ANXA10: variants seen among roughly 807,000 people sequenced by gnomAD.
ANXA10 encodes the protein annexin A10, also known as annexin 14.
Under a neutral mutation model 53.5 loss-of-function variants are expected in ANXA10, and 49 were observed. That is an observed-to-expected ratio of 0.92 (90% CI 0.73 to 1.16). The LOEUF (loss-of-function observed/expected upper bound fraction) is 1.16. Ranked by LOEUF, ANXA10 falls within the 50% of genes most tolerant of loss-of-function variation. The probability of loss-of-function intolerance (pLI) is 0.00; values close to 1 mark genes in which losing one functional copy is unlikely to be tolerated. For synonymous variants in ANXA10, 131 were observed against 128.9 expected (o/e 1.02, Z -0.11); for missense variants, 393 against 394.4 (o/e 1.00, Z 0.03).
At chr4:168,159,720 A>C (rs1578926055) in intron 3 of ANXA10, among the ~76,000 whole-genome samples, 1 of 152,194 alleles carries the variant, frequency 6.6e-6, no homozygotes, top group African/African-American at 2.4e-5. Flanking sequence ...TACAGTATAC[A>C]TACACATAAC....
At chr4:168,118,660 T>C (rs1730937048) in intron 1 of ANXA10, among the ~76,000 whole-genome samples, 1 of 152,220 alleles carries the variant, frequency 6.6e-6, no homozygotes, top group African/African-American at 2.4e-5. Flanking sequence ...CTCTGTACTC[T>C]AGAGGATTTC....
chr4:168,176,343 C>A (rs1016956418), intron 6 of ANXA10, among the ~76,000 whole-genome samples: 1 of 152,118 alleles, frequency 6.6e-6, no homozygotes, highest in Non-Finnish European at 1.5e-5. Context: ...GCCAAACTGA[C>A]CAGTTTGGTC....
chr4:168,174,243 T>C (rs375286849), intron 6 of ANXA10, among the ~76,000 whole-genome samples: 9 of 152,200 alleles, frequency 5.9e-5, no homozygotes. Context: ...TGGCTCCACA[T>C]GCCCCCTTTA....
intron 2 of ANXA10, among the ~76,000 whole-genome samples, chr4:168,138,829 A>T (rs762177237): frequency 1.3e-5 from 2 of 152,098 alleles, no homozygotes; most frequent in Non-Finnish European, 2.9e-5. Context: ...ATGTATTCCT[A>T]GATATTTTAT....
intron 1 of ANXA10, among the ~76,000 whole-genome samples, chr4:168,113,713 T>C (rs1730846856): frequency 6.6e-6 from 1 of 152,210 alleles, no homozygotes; most frequent in Non-Finnish European, 1.5e-5. Flanking sequence ...GACACCACAT[T>C]CAAACCATAG....
chr4:168,097,736 T>C (rs969267418), intron 1 of ANXA10, among the ~76,000 whole-genome samples: 2 of 152,118 alleles, frequency 1.3e-5, no homozygotes, highest in Non-Finnish European at 2.9e-5. Context: ...GAGTAATAAA[T>C]ATCATTGTCA....
chr4:168,178,263 T>C, intron 8 of ANXA10: 1 of 389,768 alleles, frequency 2.6e-6, no homozygotes, highest in South Asian at 2.6e-5. Flanking sequence ...ATATTAGCTG[T>C]TTCCTATTAG....
At chr4:168,131,870 C>G (rs1731161126) in intron 2 of ANXA10, among the ~76,000 whole-genome samples, 1 of 152,022 alleles carries the variant, frequency 6.6e-6, no homozygotes, top group Non-Finnish European at 1.5e-5. Flanking sequence ...CTTTTAATCT[C>G]TCTGTGTCTT....
At chr4:168,156,103 A>ATTATATAT (rs1307573018) in intron 3 of ANXA10, among the ~76,000 whole-genome samples, 1,075 of 59,110 alleles carry the variant, frequency 0.018, 52 homozygotes, top group African/African-American at 0.077. Flanking sequence ...TATTATATAT[A>ATTATATAT]AATATTATAT....
chr4:168,115,497 G>GCACACACA (rs67627035), intron 1 of ANXA10, among the ~76,000 whole-genome samples: 66 of 136,526 alleles, frequency 4.8e-4, no homozygotes, highest in Admixed American at 1.8e-3. Flanking sequence ...CAATACACAC[G>GCACACACA]CACACACACA....
At chr4:168,174,308 G>A in intron 6 of ANXA10, among the ~76,000 whole-genome samples, 1 of 152,166 alleles carries the variant, frequency 6.6e-6, no homozygotes, top group East Asian at 1.9e-4. Context: ...CTATTCACCT[G>A]GAGTCTCCAA....
chr4:168,184,495 CT>C, intron 10 of ANXA10, 63 bp from the exon 11 acceptor site: 2 of 1,589,644 alleles, frequency 1.3e-6, no homozygotes, highest in South Asian at 1.1e-5. Context: ...GGTGTGTCCA[CT>C]TGGGACAGAC....
At chr4:168,134,579 A>C (rs185548064) in intron 2 of ANXA10, among the ~76,000 whole-genome samples, 1 of 152,300 alleles carries the variant, frequency 6.6e-6, no homozygotes, top group African/African-American at 2.4e-5. Flanking sequence ...ATATATGTTC[A>C]CTTTAGAATG....
At chr4:168,104,719 A>G (rs2149464996) in intron 1 of ANXA10, among the ~76,000 whole-genome samples, 1 of 151,998 alleles carries the variant, frequency 6.6e-6, no homozygotes, top group Non-Finnish European at 1.5e-5. Context: ...TTATGTTTAT[A>G]GTTTGTATCT....
intron 6 of ANXA10, 103 bp downstream of exon 6, chr4:168,165,429 T>A: frequency 1.9e-6 from 1 of 526,162 alleles, no homozygotes. Flanking sequence ...CTCCAGTATA[T>A]TACAGTTCAA....
Position 168,162,573 on chromosome 4 carries a change from GATGTGATGGCTGGCCTC to G in ANXA10, c.246_262del (p.Met83ProfsTer6). 1 of 1,613,982 alleles carries G rather than the reference GATGTGATGGCTGGCCTC, an allele frequency of 6.2e-7. No individual in the cohort carries two copies. Among genetic ancestry groups the G allele is most frequent in the Non-Finnish European group, 8.5e-7 (1 of 1,179,900 alleles). On this transcript the variant is annotated frameshift_variant, in exon 4 of 12. Transcript: ENST00000359299. LOFTEE classifies it high-confidence loss of function. ...GGAGCAGCTTTCGGATCACTTCAAA[GATGTGATGGCTGGCCTC>G]ATGTACCCACCACCACTGTATGATG...
Position 168,107,207 on chromosome 4 carries a change from T to C in ANXA10, c.18+14489T>C, listed in dbSNP as rs576281424. Among the ~76,000 whole-genome samples, 8 of 152,310 alleles carry C rather than the reference T, an allele frequency of 5.3e-5. No individual in the cohort carries two copies. The South Asian group carries it at 1.7e-3, about 32-fold the overall frequency. ...TTTACTTGATTACAAAACTGTTAAA[T>C]AATTCTTTGAGGATAAAATAGATTT... is the stretch of plus-strand genomic sequence containing the variant. On this transcript the variant is annotated intron_variant, in intron 1 of 11. Coordinates refer to ENST00000359299, the MANE Select transcript of ANXA10 (RefSeq NM_007193.5).
At chr4:168,171,737 A>G (rs1731995200) in intron 6 of ANXA10, among the ~76,000 whole-genome samples, 1 of 152,250 alleles carries the variant, frequency 6.6e-6, no homozygotes, top group Non-Finnish European at 1.5e-5. Context: ...AAACTGGCTC[A>G]CAATGCTTCC....
chr4:168,166,426 A>G (rs1205242344), intron 6 of ANXA10, among the ~76,000 whole-genome samples: 1 of 152,212 alleles, frequency 6.6e-6, no homozygotes, highest in Admixed American at 6.5e-5. Flanking sequence ...TTGTAATACA[A>G]ATAATATTTT....
Sources: allele counts gnomAD v4.1 joint callset (sites outside exome capture counted in the v4.1 genomes callset), GRCh38; gene constraint gnomAD v4.1.1; transcripts MANE v1.5; gene names NCBI Gene and HGNC (gene_info 2026-07-23, HGNC 2026-07-21).